Variants in GPHN observed in about 807,000 individuals in gnomAD.
The protein encoded by GPHN is gephyrin.
GPHN carries 17 observed loss-of-function variants against 95.5 expected under a neutral mutation model. The observed-to-expected ratio is 0.18, with a 90% confidence interval of 0.12 to 0.27. GPHN has a LOEUF of 0.27. GPHN is among the 10% of genes least tolerant of loss of function. The probability of loss-of-function intolerance (pLI) is 1.00; values close to 1 mark genes in which losing one functional copy is unlikely to be tolerated. For missense variants in GPHN, 660 were observed against 978.1 expected, an observed-to-expected ratio of 0.67 and a Z score of 4.34; for synonymous variants, 320 against 322.5, an observed-to-expected ratio of 0.99 and a Z score of 0.08.
chr14:66,742,451 G>A lies in GPHN; in HGVS notation c.144-34013G>A, dbSNP rs187416786. On this transcript the variant is annotated intron_variant, in intron 2 of 22. Transcript: ENST00000478722. ...ATATTGAAGATTCCGTCCTGTTTGG[G>A]CAGGATTGCATATGCCCCTGAGCCT... Among the ~76,000 whole-genome samples, 215 of 152,158 alleles carry A rather than the reference G, an allele frequency of 1.4e-3. 1 individual carries two copies. The highest frequency in any genetic ancestry group is 2.3e-3 in the Non-Finnish European group (155 of 68,004).
chr14:67,431,391 C>CAAA, the GPHN span, among the ~76,000 whole-genome samples: 62 of 77,502 alleles, frequency 8.0e-4, no homozygotes, highest in African/African-American at 2.2e-3. Flanking sequence ...GACTCTGTCT[C>CAAA]AAAAAAAAAA....
intron 6 of GPHN, among the ~76,000 whole-genome samples, chr14:66,916,893 A>G (rs1052384943): frequency 4.6e-5 from 7 of 152,128 alleles, no homozygotes; most frequent in Non-Finnish European, 5.9e-5. Context: ...CTGGGCATCT[A>G]TATTTACTAT....
the GPHN span, chr14:67,387,315 C>T: frequency 1.2e-6 from 2 of 1,600,176 alleles, no homozygotes; most frequent in Non-Finnish European, 1.7e-6. Flanking sequence ...AATCCTGGTT[C>T]CCTCAGGTCC....
At chr14:67,459,552 T>C in the GPHN span, among the ~76,000 whole-genome samples, 2 of 152,236 alleles carry the variant, frequency 1.3e-5, no homozygotes, top group African/African-American at 4.8e-5. Flanking sequence ...GGTCACACCC[T>C]GATACCCATC....
intron 1 of GPHN, among the ~76,000 whole-genome samples, chr14:66,616,714 CT>C (rs544189083): frequency 1.6e-4 from 23 of 147,748 alleles, no homozygotes; most frequent in Non-Finnish European, 2.1e-4. Flanking sequence ...AACAGGACCC[CT>C]TTTTTTTTTA....
At chr14:66,747,570 G>T (rs1026231387) in intron 2 of GPHN, among the ~76,000 whole-genome samples, 18 of 151,364 alleles carry the variant, frequency 1.2e-4, no homozygotes, top group African/African-American at 2.9e-4. Flanking sequence ...TCCTTCTCAG[G>T]ACGGGTTAAT....
the GPHN span, among the ~76,000 whole-genome samples, chr14:67,730,460 T>C: frequency 6.6e-6 from 1 of 152,226 alleles, no homozygotes; most frequent in Non-Finnish European, 1.5e-5. Flanking sequence ...AGCATTTCCT[T>C]TGAGTTGCAT....
chr14:67,526,894 G>T, the GPHN span, among the ~76,000 whole-genome samples: 2 of 152,170 alleles, frequency 1.3e-5, no homozygotes, highest in African/African-American at 4.8e-5. Flanking sequence ...GCTTCCAGTA[G>T]GGTATGAGCC....
At chr14:67,226,474 C>T in the GPHN span, among the ~76,000 whole-genome samples, 5 of 152,266 alleles carry the variant, frequency 3.3e-5, no homozygotes, top group Admixed American at 2.6e-4. Flanking sequence ...GATTCTCCTG[C>T]TTCAGCCTCC....
chr14:67,357,137 T>G, the GPHN span, among the ~76,000 whole-genome samples: 29 of 152,372 alleles, frequency 1.9e-4, no homozygotes, highest in African/African-American at 6.5e-4. Context: ...AAATTTTTCA[T>G]GCGTCTTTTA....
intron 1 of GPHN, among the ~76,000 whole-genome samples, chr14:66,550,262 A>G (rs775534655): frequency 9.2e-5 from 14 of 152,246 alleles, no homozygotes; most frequent in Non-Finnish European, 1.5e-4. Context: ...CGAGGAGGTC[A>G]AAATGTCAAC....
the GPHN span, among the ~76,000 whole-genome samples, chr14:67,306,216 C>T: frequency 5.9e-5 from 9 of 152,260 alleles, no homozygotes; most frequent in Non-Finnish European, 1.0e-4. Flanking sequence ...GTGATCTGCC[C>T]GCCTTGGCCT....
chr14:67,334,581 C>T, the GPHN span: 10,240 of 152,364 alleles, frequency 0.067, 781 homozygotes, highest in African/African-American at 0.19. Flanking sequence ...GTTTATATGT[C>T]GCCTTTTTCT....
intron 3 of GPHN, 91 bp from the exon 4 acceptor site, chr14:66,824,383 C>T (rs1464520196): frequency 6.6e-5 from 46 of 696,894 alleles, no homozygotes; most frequent in Non-Finnish European, 1.0e-4. Flanking sequence ...ATCTGTGTTT[C>T]CTCGTTGAAT....
the GPHN span, among the ~76,000 whole-genome samples, chr14:67,394,660 T>C: frequency 6.6e-6 from 1 of 152,262 alleles, no homozygotes; most frequent in South Asian, 2.1e-4. Flanking sequence ...AACAGTTCTT[T>C]TGCCTGGGAG....
the GPHN span, among the ~76,000 whole-genome samples, chr14:67,327,111 G>A: frequency 1.4e-4 from 21 of 152,106 alleles, no homozygotes; most frequent in Non-Finnish European, 5.9e-5. Flanking sequence ...GGAGGTGGAG[G>A]TTGCAGTGAA....
chr14:66,944,690 G>A (rs2067636705), intron 8 of GPHN, among the ~76,000 whole-genome samples: 1 of 152,236 alleles, frequency 6.6e-6, no homozygotes, highest in African/African-American at 2.4e-5. Context: ...TGCTAATAGG[G>A]TGGAGAAAAG....
the GPHN span, chr14:67,578,209 C>T: frequency 6.2e-7 from 1 of 1,610,278 alleles, no homozygotes. This position sits in a 1 kb window ranked among gnomAD's most constrained non-coding sequence, Gnocchi z 5.0. Context: ...GGTAGGCATG[C>T]CAGGGGTGGA....
At chr14:66,841,281 A>C (rs2062078055) in intron 4 of GPHN, among the ~76,000 whole-genome samples, 1 of 152,114 alleles carries the variant, frequency 6.6e-6, no homozygotes, top group Non-Finnish European at 1.5e-5. Context: ...GTCATCCATT[A>C]AGGAAGGCCT....
Sources: allele counts gnomAD v4.1 joint callset (sites outside exome capture counted in the v4.1 genomes callset), GRCh38; gene constraint gnomAD v4.1.1; non-coding constraint Gnocchi (gnomAD v3.1); transcripts MANE v1.5; gene names NCBI Gene and HGNC (gene_info 2026-07-23, HGNC 2026-07-21).